KCNN4: variants seen among roughly 807,000 people sequenced by gnomAD.
KCNN4 encodes potassium calcium-activated channel subfamily N member 4, also known as intermediate conductance calcium-activated potassium channel protein 4.
Under a neutral mutation model 45.2 loss-of-function variants are expected in KCNN4, and 31 were observed. That is an observed-to-expected ratio of 0.69 (90% confidence interval 0.52 to 0.92). KCNN4 has a LOEUF of 0.92. Among genes scored for constraint, KCNN4 ranks in the 40% least tolerant of loss-of-function variants. The probability of loss-of-function intolerance (pLI) is 0.00; values close to 1 mark genes in which losing one functional copy is unlikely to be tolerated. For missense variants in KCNN4, 463 were observed against 574.0 expected (o/e 0.81, Z 1.98); for synonymous variants, 231 against 254.6 (o/e 0.91, Z 0.88).
In KCNN4 at chr19:43,777,937, C is replaced by T. The variant is rs375937387; in HGVS notation, c.160-1301G>A. ...GAGGGCCAGTTTCCTGCCCCAGGGG[C>T]CTGCTCCCCAACCCCCTATCAGAAC... On this transcript the variant is annotated intron_variant, in intron 1 of 8. Transcript: ENST00000648319. Among the ~76,000 whole-genome samples the T allele has an allele frequency of 2.6e-5, 4 of 152,314 alleles. No individual in the cohort carries two copies. In the East Asian group the frequency reaches 5.8e-4, roughly 22 times the overall value.
chr19:43,774,535 C>T lies in KCNN4; in HGVS notation c.340G>A (p.Val114Met), dbSNP rs200491983. ...QAAQIVLELV[V>M]CGLHPAPVRG... ...ACGGGCGCCGGGTGCAGCCCACACA[C>T]CACCAGCTCCAGCACGATCTGCGCC... Residue 114 changes from valine (V) to methionine (M), a missense_variant, in exon 3 of 9, where the codon GTG becomes ATG. Val to Met is a conservative substitution (Grantham distance 21). Transcript: ENST00000648319. This position sits in a 1 kb window ranked among gnomAD's most constrained non-coding sequence, Gnocchi z 5.6. 1 of 1,593,532 alleles carries T rather than the reference C, an allele frequency of 6.3e-7. No individual in the cohort carries two copies. The highest frequency in any genetic ancestry group is 1.3e-5 in the African/African-American group (1 of 74,700).
rs1969734334 is a variant in KCNN4 at position 43,774,394 on chromosome 19, A to G, written c.481T>C (p.Tyr161His). ...LLSLAMLLRLYLVPRAVLLRS... is the reference protein window; with the variant it reads ...LLSLAMLLRLHLVPRAVLLRS... ...AGGAGCACGGCGCGGGGCACCAGGT[A>G]GAGACGCAGCAGCATGGCCAGGGAC... Residue 161 changes from tyrosine (Y) to histidine (H), a missense_variant, in exon 3 of 9, where the codon TAC becomes CAC. Coordinates refer to ENST00000648319, the MANE Select transcript of KCNN4 (RefSeq NM_002250.3). The surrounding 1 kb of genome is among the most constrained non-coding windows in gnomAD (Gnocchi z 5.6). 1.2e-6 allele frequency: 2 copies of G among 1,601,626 alleles called. No homozygotes were observed. The highest frequency in any genetic ancestry group is 1.3e-5 in the African/African-American group (1 of 74,626).
intron 7 of KCNN4, among the ~76,000 whole-genome samples, chr19:43,768,612 G>A (rs1969548094): frequency 6.6e-6 from 1 of 152,182 alleles, no homozygotes; most frequent in African/African-American, 2.4e-5. Flanking sequence ...CCGTCTATGG[G>A]CTTGGTTTGT....
intron 1 of KCNN4, among the ~76,000 whole-genome samples, chr19:43,777,764 T>C (rs1969855835): frequency 6.6e-6 from 1 of 152,036 alleles, no homozygotes; most frequent in Non-Finnish European, 1.5e-5. Flanking sequence ...GACTGTTGGA[T>C]TTCCTAAGAG....
At chr19:43,776,713 C>A (rs1299442904) in intron 1 of KCNN4, 77 bp from the exon 2 acceptor site, 2 of 945,622 alleles carry the variant, frequency 2.1e-6, no homozygotes. Flanking sequence ...CCTTCAAAAC[C>A]ACCATTTTTT....
At chr19:43,780,610 G>GGAGTCCTGACCCCCAC in intron 1 of KCNN4, 93 bp downstream of exon 1, 1 of 103,970 alleles carries the variant, frequency 9.6e-6, no homozygotes, top group Non-Finnish European at 1.8e-5. Context: ...CTGACCCCCA[G>GGAGTCCTGACCCCCAC]CCCCCCCTCC....
At chr19:43,780,163 C>G (rs12461670) in intron 1 of KCNN4, among the ~76,000 whole-genome samples, 21,852 of 152,062 alleles carry the variant, frequency 0.14, 2,279 homozygotes, top group East Asian at 0.4. Flanking sequence ...AGTGTCTGAT[C>G]AGCCACCCTC....
chr19:43,772,402 T>C lies in KCNN4; in HGVS notation c.684-267A>G, dbSNP rs1249424004. On this transcript the variant is annotated intron_variant, in intron 3 of 8. Coordinates refer to ENST00000648319, the MANE Select transcript of KCNN4 (RefSeq NM_002250.3). The surrounding 1 kb of genome is among the most constrained non-coding windows in gnomAD (Gnocchi z 4.4). ...TGAGACTGGGTCTGGCCAATCCCAA[T>C]GCCGGTATGGTCTCAGCTAGGCTAC... 6.6e-6 allele frequency among the ~76,000 whole-genome samples: 1 copy of C among 152,194 alleles called. No homozygotes were observed. Among genetic ancestry groups the C allele is most frequent in the African/African-American group, 2.4e-5 (1 of 41,454 alleles).
chr19:43,773,605 G>C (rs1006467508), intron 3 of KCNN4, among the ~76,000 whole-genome samples: 1 of 152,162 alleles, frequency 6.6e-6, no homozygotes, highest in Non-Finnish European at 1.5e-5. Context: ...ACACTTTGAG[G>C]ACCACTGGCT....
At chr19:43,776,482 G>T in intron 2 of KCNN4, 59 bp downstream of exon 2, 1 of 1,173,176 alleles carries the variant, frequency 8.5e-7, no homozygotes, top group Non-Finnish European at 1.3e-6. Flanking sequence ...GAAAGTGTGA[G>T]CTGACAGGGC....
At chr19:43,779,213 T>A (rs1364973701) in intron 1 of KCNN4, among the ~76,000 whole-genome samples, 1 of 151,756 alleles carries the variant, frequency 6.6e-6, no homozygotes, top group Non-Finnish European at 1.5e-5. Flanking sequence ...AGCAGAGGGG[T>A]GAAGTGGGGT....
At chr19:43,767,449 A>G in intron 8 of KCNN4, 91 bp downstream of exon 8, 1 of 1,462,364 alleles carries the variant, frequency 6.8e-7, no homozygotes, top group East Asian at 2.4e-5. Context: ...CTTGTCTCCC[A>G]GCCATCCCCC....
Position 43,772,784 on chromosome 19 carries a change from G to A in KCNN4, c.684-649C>T, listed in dbSNP as rs13344693. Reference sequence around the variant, plus strand: ...GGGCCCCTGACACCCCAGACCCACCGGGTTGGAGTTTCTAGGAGCGAAGAT... The same window carrying A: ...GGGCCCCTGACACCCCAGACCCACCAGGTTGGAGTTTCTAGGAGCGAAGAT... On this transcript the variant is annotated intron_variant, in intron 3 of 8. Coordinates refer to ENST00000648319, the MANE Select transcript of KCNN4 (RefSeq NM_002250.3). This position sits in a 1 kb window ranked among gnomAD's most constrained non-coding sequence, Gnocchi z 4.4. Among the ~76,000 whole-genome samples, 544 of 152,226 alleles carry A rather than the reference G, an allele frequency of 3.6e-3. 4 individuals are homozygous for A. Among genetic ancestry groups the A allele is most frequent in the African/African-American group, 0.013 (522 of 41,540 alleles).
At chr19:43,778,636 C>T (rs894241980) in intron 1 of KCNN4, among the ~76,000 whole-genome samples, 1 of 152,170 alleles carries the variant, frequency 6.6e-6, no homozygotes, top group African/African-American at 2.4e-5. Context: ...CTGTACTTCT[C>T]TATCTTTCTG....
chr19:43,779,564 C>A (rs1472759335), intron 1 of KCNN4, among the ~76,000 whole-genome samples: 1 of 152,148 alleles, frequency 6.6e-6, no homozygotes. Context: ...GGTCTCCAGC[C>A]CCTCCTTTCC....
intron 1 of KCNN4, among the ~76,000 whole-genome samples, chr19:43,779,886 T>C (rs1043935546): frequency 5.3e-5 from 8 of 152,016 alleles, no homozygotes; most frequent in African/African-American, 1.9e-4. Flanking sequence ...AGCATGCAGA[T>C]TTGGGGAGAA....
chr19:43,774,054 G>A lies in KCNN4; in HGVS notation c.683+138C>T. 1 of 923,808 alleles carries A rather than the reference G, an allele frequency of 1.1e-6. No homozygotes were observed. The highest frequency in any genetic ancestry group is 1.6e-6 in the Non-Finnish European group (1 of 619,454). The allele number at this position is 923,808 out of a possible 1,614,324, so 57.2% of individuals were successfully genotyped here. A position where few individuals can be genotyped will look rare whatever the true frequency, so the allele number is the denominator to read the frequency against. ...TGGGAGTGTGGGCAAATTTCAGCCA[G>A]CAAGAGGAGAAGGGGTCAAAGTGTG... On this transcript the variant is annotated intron_variant, in intron 3 of 8. Transcript: ENST00000648319. This position sits in a 1 kb window ranked among gnomAD's most constrained non-coding sequence, Gnocchi z 5.6.
Position 43,780,856 on chromosome 19 carries a change from G to C in KCNN4, c.6C>G (p.Gly2=), listed in dbSNP as rs760771636. The part of the protein sequence containing the change: M[G]GDLVLGLGAL... ...CCCCCAGGCCAAGCACCAGATCCCC[G>C]CCCATGGCCCCCGGGGTCTTGGGGC... Residue 2 remains glycine (G), a synonymous_variant, in exon 1 of 9, where the codon GGC becomes GGG. Coordinates refer to ENST00000648319, the MANE Select transcript of KCNN4 (RefSeq NM_002250.3). The C allele has an allele frequency of 6.2e-7, 1 of 1,613,606 alleles. No individual in the cohort carries two copies. Among genetic ancestry groups the C allele is most frequent in the African/African-American group, 1.3e-5 (1 of 74,870 alleles).
chr19:43,779,951 G>A (rs1427288303), intron 1 of KCNN4, among the ~76,000 whole-genome samples: 1 of 152,068 alleles, frequency 6.6e-6, no homozygotes, highest in Non-Finnish European at 1.5e-5. Context: ...GAGGCAGGTC[G>A]GGGGAGAGGT....
Sources: gnomAD v4.1 joint callset for allele counts (sites outside exome capture counted in the v4.1 genomes callset) on GRCh38, gnomAD v4.1.1 for gene constraint, Gnocchi (gnomAD v3.1) non-coding constraint, MANE v1.5 for transcripts, NCBI Gene and HGNC (gene_info 2026-07-23, HGNC 2026-07-21) for gene names.